SMCHD1: variants seen among roughly 807,000 people sequenced by gnomAD.
SMCHD1 encodes structural maintenance of chromosomes flexible hinge domain-containing protein 1.
In SMCHD1, 78 loss-of-function variants were observed where a neutral mutation model predicts 254.7. The ratio of observed to expected loss-of-function variants is 0.31; its 90% CI spans 0.26 to 0.37. The LOEUF is 0.37. Ranked by LOEUF, SMCHD1 falls within the 10% of genes least tolerant of loss-of-function variation. The pLI, the probability that SMCHD1 is intolerant of heterozygous loss-of-function variation, is 1.00. For missense variants in SMCHD1, 1,840 were observed against 2,408.1 expected, an observed-to-expected ratio of 0.76 and a Z score of 4.94; for synonymous variants, 766 against 794.9, an observed-to-expected ratio of 0.96 and a Z score of 0.61.
At chr18:2,785,492 C>CAA (rs199747872) in intron 45 of SMCHD1, among the ~76,000 whole-genome samples, 5 of 147,774 alleles carry the variant, frequency 3.4e-5, no homozygotes, top group East Asian at 2.0e-4. Flanking sequence ...ACTAAAAATA[C>CAA]AAAAAAAAAA....
At chr18:2,657,082 A>G (rs1056797630) in intron 1 of SMCHD1, among the ~76,000 whole-genome samples, 4 of 152,200 alleles carry the variant, frequency 2.6e-5, no homozygotes, top group Non-Finnish European at 4.4e-5. Context: ...TGAATTAACC[A>G]TATGAGGTCC....
At chr18:2,789,708 T>C (rs1219852280) in intron 45 of SMCHD1, among the ~76,000 whole-genome samples, 2 of 152,250 alleles carry the variant, frequency 1.3e-5, no homozygotes, top group Non-Finnish European at 2.9e-5. Context: ...TCTCAACTTT[T>C]ACAATATTTT....
Position 2,700,777 on chromosome 18 carries a change from A to G in SMCHD1, c.1506A>G (p.Pro502=), listed in dbSNP as rs1421071576. The part of the protein sequence containing the change: ...CTPPKKRGLA[P]IECYNRISGA... ...CTCCTAAGAAGAGAGGGCTTGCACC[A>G]ATTGAATGCTACAATAGGATATCTG... Residue 502 remains proline (P), a synonymous_variant, in exon 12 of 48, where the codon CCA becomes CCG. Coordinates refer to ENST00000320876, the MANE Select transcript of SMCHD1 (RefSeq NM_015295.3). 2 of 1,613,046 alleles carry G rather than the reference A, an allele frequency of 1.2e-6. No individual in the cohort carries two copies. Among genetic ancestry groups the G allele is most frequent in the African/African-American group, 2.7e-5 (2 of 74,914 alleles).
At chr18:2,744,196 TAAAAA>T (rs1439848706) in intron 29 of SMCHD1, among the ~76,000 whole-genome samples, 1 of 152,160 alleles carries the variant, frequency 6.6e-6, no homozygotes, top group Non-Finnish European at 1.5e-5. Flanking sequence ...TGCATAAAAA[TAAAAA>T]GAATAGTGTA....
intron 7 of SMCHD1, among the ~76,000 whole-genome samples, chr18:2,689,877 A>AG (rs1555631105): frequency 1.5e-5 from 2 of 137,758 alleles, no homozygotes; most frequent in African/African-American, 5.5e-5. Flanking sequence ...AAAAAAAAAA[A>AG]GCCGGGTGTG....
At chr18:2,662,243 G>A (rs2073304602) in intron 1 of SMCHD1, among the ~76,000 whole-genome samples, 1 of 150,830 alleles carries the variant, frequency 6.6e-6, no homozygotes, top group South Asian at 2.1e-4. Context: ...ATAGACTTAT[G>A]TGGGATTATA....
chr18:2,687,049 G>A (rs1259041668), intron 5 of SMCHD1, among the ~76,000 whole-genome samples: 1 of 151,688 alleles, frequency 6.6e-6, no homozygotes, highest in East Asian at 1.9e-4. Flanking sequence ...TTTAACTTTA[G>A]ATTTCAGGAT....
chr18:2,784,312 A>G (rs1392206983), intron 44 of SMCHD1, 138 bp from the exon 45 acceptor site: 3 of 660,544 alleles, frequency 4.5e-6, no homozygotes, highest in Non-Finnish European at 7.3e-6. Context: ...TTTATCTTAC[A>G]TATTGCTAGT....
At chr18:2,701,163 T>G (rs1039180045) in intron 12 of SMCHD1, 2 of 256,318 alleles carry the variant, frequency 7.8e-6, no homozygotes, top group South Asian at 1.4e-4. Context: ...TAGTTTTTTT[T>G]GTTTTTTTTT....
chr18:2,789,599 G>A (rs2076288685), intron 45 of SMCHD1, among the ~76,000 whole-genome samples: 1 of 152,098 alleles, frequency 6.6e-6, no homozygotes, highest in Non-Finnish European at 1.5e-5. Context: ...TCACAGTAGT[G>A]TGAAACCAAT....
intron 5 of SMCHD1, among the ~76,000 whole-genome samples, chr18:2,686,659 G>T (rs542628301): frequency 2.0e-5 from 3 of 152,140 alleles, no homozygotes; most frequent in South Asian, 4.1e-4. Flanking sequence ...TTGTATAAAT[G>T]CAAACTTGTG....
chr18:2,707,125 A>C (rs919689556), intron 15 of SMCHD1, among the ~76,000 whole-genome samples: 1 of 152,192 alleles, frequency 6.6e-6, no homozygotes, highest in Non-Finnish European at 1.5e-5. Flanking sequence ...TCGAGATGAG[A>C]TTCGGATGGG....
intron 17 of SMCHD1, among the ~76,000 whole-genome samples, chr18:2,717,619 A>T (rs1346411365): frequency 6.6e-6 from 1 of 152,162 alleles, no homozygotes; most frequent in Non-Finnish European, 1.5e-5. Context: ...TGGGCCTGTT[A>T]TGCTTTTATG....
intron 8 of SMCHD1, 140 bp from the exon 9 acceptor site, chr18:2,696,892 A>G (rs2074296882): frequency 2.3e-6 from 1 of 440,180 alleles, no homozygotes. Flanking sequence ...TGTTTTTACC[A>G]TTAAATGGAA....
At chr18:2,690,954 A>G (rs2074163570) in intron 7 of SMCHD1, among the ~76,000 whole-genome samples, 2 of 34,406 alleles carry the variant, frequency 5.8e-5, no homozygotes, top group South Asian at 2.8e-3. Flanking sequence ...GCCATTTGAT[A>G]ATTGAAAAAA....
At chr18:2,661,685 G>C (rs76033254) in intron 1 of SMCHD1, among the ~76,000 whole-genome samples, 13,450 of 152,250 alleles carry the variant, frequency 0.088, 776 homozygotes, top group Middle Eastern at 0.19. Flanking sequence ...GATACAATTA[G>C]ATGGTCAGGA....
At chr18:2,747,305 T>C (rs112682508) in intron 29 of SMCHD1, among the ~76,000 whole-genome samples, 134 of 152,312 alleles carry the variant, frequency 8.8e-4, no homozygotes, top group African/African-American at 3.1e-3. Flanking sequence ...AAGACTGTAA[T>C]GTCAGGTGTT....
At position 2,694,660 on chromosome 18, in the gene SMCHD1, A is replaced by G. The variant is rs2074249222; in HGVS notation, c.1007A>G (p.Lys336Arg). The change falls in exon 8 of 48, where the codon AAA becomes AGA. Residue 336 changes from lysine to arginine, a missense_variant. Physicochemically the swap from Lys to Arg is conservative, Grantham distance 26 (BLOSUM62 2). Coordinates refer to ENST00000320876, the MANE Select transcript of SMCHD1 (RefSeq NM_015295.3). ...GVQPEHIQYL[K>R]NYFHLWTRQL... ...CAACCAGAACACATACAGTACTTGA[A>G]AAATTATTTCCACCTTTGGACACGA... 1 of 1,612,408 alleles carries G rather than the reference A, an allele frequency of 6.2e-7. No individual in the cohort carries two copies. Among genetic ancestry groups the G allele is most frequent in the Admixed American group, 1.7e-5 (1 of 59,490 alleles).
intron 25 of SMCHD1, among the ~76,000 whole-genome samples, chr18:2,733,283 A>T (rs1423017360): frequency 6.6e-6 from 1 of 152,242 alleles, no homozygotes; most frequent in Non-Finnish European, 1.5e-5. Flanking sequence ...TGGAAACTAG[A>T]GGCACAATAC....
Sources: allele counts gnomAD v4.1 joint callset (sites outside exome capture counted in the v4.1 genomes callset), GRCh38; gene constraint gnomAD v4.1.1; transcripts MANE v1.5; gene names NCBI Gene and HGNC (gene_info 2026-07-23, HGNC 2026-07-21).